The following DRC11L variants were observed in gnomAD, a reference collection of about 807,000 sequenced individuals.
The protein encoded by DRC11L is dynein regulatory complex subunit 11 like, also known as dynein regulatory complex subunit like-11.
the DRC11L span, chr7:151,196,697 G>C: frequency 2.1e-3 from 856 of 398,168 alleles, 6 homozygotes; most frequent in African/African-American, 0.016. Flanking sequence ...GCCCTGGCTG[G>C]TTGCCTTGTC....
the DRC11L span, among the ~76,000 whole-genome samples, chr7:151,198,348 GGATA>G: frequency 1.5e-3 from 233 of 151,828 alleles, 1 homozygote; most frequent in African/African-American, 5.2e-3. Context: ...ACAGATGGAA[GGATA>G]GATAGACAGT....
the DRC11L span, chr7:151,192,228 T>C: frequency 2.5e-6 from 1 of 397,274 alleles, no homozygotes; most frequent in Non-Finnish European, 4.4e-6. Flanking sequence ...GGGCGGGAGG[T>C]GGGCAGGCTT....
chr7:151,202,590 G>T, the DRC11L span, among the ~76,000 whole-genome samples: 3 of 152,186 alleles, frequency 2.0e-5, no homozygotes, highest in South Asian at 2.1e-4. Flanking sequence ...GGTGGCTCAC[G>T]CCTGTAATCC....
the DRC11L span, chr7:151,191,954 G>A: frequency 1.2e-4 from 47 of 398,706 alleles, no homozygotes; most frequent in African/African-American, 5.3e-4. Flanking sequence ...AGCAGCCCCC[G>A]CCTGGATCTG....
chr7:151,203,572 G>C, the DRC11L span: 1 of 398,394 alleles, frequency 2.5e-6, no homozygotes. Context: ...CCATCTGGCC[G>C]ATCCGTTACC....
At chr7:151,199,564 C>T in the DRC11L span, among the ~76,000 whole-genome samples, 777 of 152,262 alleles carry the variant, frequency 5.1e-3, 6 homozygotes, top group African/African-American at 0.018. The surrounding 1 kb of genome is among the most constrained non-coding windows in gnomAD (Gnocchi z 5.2). Flanking sequence ...CCTCTGGCCC[C>T]CCAACAAGTC....
chr7:151,199,105 C>T, the DRC11L span: 1 of 398,010 alleles, frequency 2.5e-6, no homozygotes, highest in Admixed American at 4.4e-5. This position sits in a 1 kb window ranked among gnomAD's most constrained non-coding sequence, Gnocchi z 5.2. Flanking sequence ...TGTACCCACT[C>T]CTTCCCCAAC....
chr7:151,191,814 C>T, the DRC11L span: 6 of 399,104 alleles, frequency 1.5e-5, 1 homozygote, highest in Admixed American at 2.2e-4. Flanking sequence ...TTGGCTAGGG[C>T]ACTGATGTCC....
the DRC11L span, among the ~76,000 whole-genome samples, chr7:151,199,451 G>A: frequency 7.0e-3 from 1,059 of 152,290 alleles, 8 homozygotes; most frequent in African/African-American, 0.024. The surrounding 1 kb of genome is among the most constrained non-coding windows in gnomAD (Gnocchi z 5.2). Flanking sequence ...TGATAGGCCC[G>A]GGCGGCCGGG....
At chr7:151,196,333 C>A in the DRC11L span, 1 of 397,888 alleles carries the variant, frequency 2.5e-6, no homozygotes, top group Non-Finnish European at 4.4e-6. Flanking sequence ...GTGTTCAGGA[C>A]AAGAGAGAGG....
chr7:151,199,980 C>T, the DRC11L span, among the ~76,000 whole-genome samples: 2 of 152,186 alleles, frequency 1.3e-5, no homozygotes, highest in Non-Finnish European at 2.9e-5. The surrounding 1 kb of genome is among the most constrained non-coding windows in gnomAD (Gnocchi z 5.2). Context: ...GTGTCCCCAC[C>T]CAACACAGCC....
chr7:151,202,657 G>C, the DRC11L span, among the ~76,000 whole-genome samples: 1 of 152,154 alleles, frequency 6.6e-6, no homozygotes, highest in Non-Finnish European at 1.5e-5. Context: ...ATCAAGAGCA[G>C]CCTGGCCAAC....
chr7:151,195,573 G>T, the DRC11L span: 1 of 392,314 alleles, frequency 2.5e-6, no homozygotes, highest in Non-Finnish European at 4.5e-6. Context: ...CCCTCATCTT[G>T]CCTTTGGAGC....
the DRC11L span, among the ~76,000 whole-genome samples, chr7:151,194,991 A>G: frequency 6.6e-6 from 1 of 152,190 alleles, no homozygotes; most frequent in Non-Finnish European, 1.5e-5. Context: ...CAGACATTAA[A>G]TTCAAGCAGC....
chr7:151,191,925 G>A, the DRC11L span: 15 of 399,280 alleles, frequency 3.8e-5, no homozygotes, highest in East Asian at 5.0e-4. Flanking sequence ...TGGGCACCAG[G>A]GAGGGGCAAC....
chr7:151,195,642 C>T, the DRC11L span: 27 of 399,608 alleles, frequency 6.8e-5, no homozygotes, highest in East Asian at 1.4e-4. Flanking sequence ...CAGCTCCTGA[C>T]GCATCAGCTC....
the DRC11L span, chr7:151,193,215 A>C: frequency 2.0e-5 from 8 of 398,570 alleles, no homozygotes; most frequent in Non-Finnish European, 2.7e-5. Flanking sequence ...CTGATGGGTG[A>C]CGTGACCTCA....
the DRC11L span, chr7:151,198,012 G>C: frequency 2.6e-6 from 1 of 380,074 alleles, no homozygotes; most frequent in African/African-American, 2.1e-5. Context: ...GTGGATGGAT[G>C]GACAGATGGA....
the DRC11L span, among the ~76,000 whole-genome samples, chr7:151,200,915 T>C: frequency 6.6e-6 from 1 of 152,146 alleles, no homozygotes; most frequent in Non-Finnish European, 1.5e-5. Flanking sequence ...ACATGACCTC[T>C]CCCAGGCCCA....
Sources: allele counts gnomAD v4.1 joint callset (sites outside exome capture counted in the v4.1 genomes callset), GRCh38; gene constraint gnomAD v4.1.1; non-coding constraint Gnocchi (gnomAD v3.1); transcripts MANE v1.5; gene names NCBI Gene and HGNC (gene_info 2026-07-23, HGNC 2026-07-21).